Variants in ITFG1 observed in about 807,000 individuals in gnomAD.
ITFG1 encodes the protein T-cell immunomodulatory protein.
ITFG1 carries 34 observed loss-of-function variants against 81.8 expected under a neutral mutation model. That is an observed-to-expected ratio of 0.42 (90% CI 0.32 to 0.55). The LOEUF is 0.55. Among genes scored for constraint, ITFG1 ranks in the 20% least tolerant of loss-of-function variants. The pLI is 0.17. For missense variants in ITFG1, 672 were observed against 755.4 expected (o/e 0.89, Z 1.29); for synonymous variants, 285 against 270.6 (o/e 1.05, Z -0.52).
At position 47,375,910 on chromosome 16, in the gene ITFG1, G is replaced by T. The variant is rs1173003324; in HGVS notation, c.686C>A (p.Thr229Asn). The change falls in exon 7 of 18, where the codon ACT becomes AAT. Residue 229 changes from threonine to asparagine, a missense_variant. Coordinates refer to ENST00000320640, the MANE Select transcript of ITFG1 (RefSeq NM_030790.5). Reference sequence around the variant, plus strand: ...CCATATTTCAAACTGGAAGGTACTAGTGGTGGCATTCAATGTCGTCAGGAA... The same window carrying T: ...CCATATTTCAAACTGGAAGGTACTATTGGTGGCATTCAATGTCGTCAGGAA... ...DLFLTTLNAT[T>N]STFQFEIWEN... 2 of 1,607,248 alleles carry T rather than the reference G, an allele frequency of 1.2e-6. No individual in the cohort carries two copies. Among genetic ancestry groups the T allele is most frequent in the South Asian group, 2.2e-5 (2 of 90,592 alleles).
chr16:47,377,687 C>G (rs1291900335), intron 6 of ITFG1, among the ~76,000 whole-genome samples: 1 of 152,164 alleles, frequency 6.6e-6, no homozygotes. Flanking sequence ...CTAGACATAG[C>G]TTTCCCTCCG....
intron 13 of ITFG1, among the ~76,000 whole-genome samples, chr16:47,229,287 G>C (rs964713392): frequency 1.3e-5 from 2 of 152,156 alleles, no homozygotes; most frequent in Non-Finnish European, 2.9e-5. Flanking sequence ...TTGTCTGAGT[G>C]CCAACCTGAA....
chr16:47,338,446 A>T (rs1268620348), intron 8 of ITFG1, among the ~76,000 whole-genome samples: 2 of 152,080 alleles, frequency 1.3e-5, no homozygotes, highest in Admixed American at 6.6e-5. Flanking sequence ...ATTATAAACA[A>T]AGAAAAAAAA....
intron 6 of ITFG1, among the ~76,000 whole-genome samples, chr16:47,400,901 G>C (rs1968653739): frequency 6.6e-6 from 1 of 152,180 alleles, no homozygotes; most frequent in African/African-American, 2.4e-5. Context: ...GATTCTTTCT[G>C]TTGGTTATAA....
chr16:47,388,637 G>C (rs1219291697), intron 6 of ITFG1, among the ~76,000 whole-genome samples: 1 of 152,078 alleles, frequency 6.6e-6, no homozygotes, highest in African/African-American at 2.4e-5. Flanking sequence ...AGGAAATAAA[G>C]ACATTTCTAG....
intron 13 of ITFG1, among the ~76,000 whole-genome samples, chr16:47,226,894 G>A (rs1965764890): frequency 6.6e-6 from 1 of 151,800 alleles, no homozygotes; most frequent in South Asian, 2.1e-4. Flanking sequence ...AATAAAATTG[G>A]TTATGTTAAT....
chr16:47,206,738 G>C (rs577115295), intron 14 of ITFG1, among the ~76,000 whole-genome samples: 1 of 152,242 alleles, frequency 6.6e-6, no homozygotes, highest in South Asian at 2.1e-4. Context: ...CCATGAAGAA[G>C]TGCAGTTAAT....
At chr16:47,437,180 C>G (rs1230069351) in intron 5 of ITFG1, among the ~76,000 whole-genome samples, 1 of 151,954 alleles carries the variant, frequency 6.6e-6, no homozygotes, top group East Asian at 1.9e-4. Context: ...GAAAACAAAT[C>G]TTTAGGTGGA....
chr16:47,159,801 G>A (rs989814763), intron 16 of ITFG1, among the ~76,000 whole-genome samples: 2 of 151,892 alleles, frequency 1.3e-5, no homozygotes, highest in African/African-American at 4.8e-5. Context: ...AGACTGTTCT[G>A]GTAAATAGCA....
chr16:47,298,555 A>T (rs1477207153), intron 10 of ITFG1, among the ~76,000 whole-genome samples: 1 of 152,150 alleles, frequency 6.6e-6, no homozygotes, highest in Non-Finnish European at 1.5e-5. Flanking sequence ...GTTCAGTAGC[A>T]AAGACTCTGT....
chr16:47,331,898 C>T (rs1967642240), intron 8 of ITFG1, among the ~76,000 whole-genome samples: 1 of 152,124 alleles, frequency 6.6e-6, no homozygotes, highest in South Asian at 2.1e-4. Context: ...ATTATAATTT[C>T]CACTTGCAGG....
At chr16:47,341,986 T>A (rs890407586) in intron 8 of ITFG1, among the ~76,000 whole-genome samples, 3 of 152,018 alleles carry the variant, frequency 2.0e-5, no homozygotes, top group African/African-American at 7.2e-5. Context: ...ATACCACCAA[T>A]CATTTAAAGA....
chr16:47,249,135 G>C (rs941774467), intron 12 of ITFG1, among the ~76,000 whole-genome samples: 3 of 152,080 alleles, frequency 2.0e-5, no homozygotes, highest in African/African-American at 7.2e-5. Context: ...ATCATACTAT[G>C]GGCTGGGCAC....
rs770901745 is a variant in ITFG1 at position 47,451,473 on chromosome 16, G to GA, written c.486-4dup. On this transcript the variant is annotated splice_polypyrimidine_tract_variant and splice_region_variant and intron_variant, in intron 4 of 17. Transcript: ENST00000320640. The stretch of plus-strand genomic sequence containing the variant: ...CAGGAATTAGATCACCATTGAAACT[G>GA]AAAAAAAATTAAAACAATAAGCAGC... 93 of 1,493,680 alleles carry GA rather than the reference G, an allele frequency of 6.2e-5. No individual in the cohort carries two copies. The highest frequency in any genetic ancestry group is 9.1e-5 in the Admixed American group (5 of 54,696). The allele number at this position is 1,493,680 out of a possible 1,614,324, so 92.5% of individuals were successfully genotyped here.
intron 13 of ITFG1, among the ~76,000 whole-genome samples, chr16:47,230,169 G>A (rs764405689): frequency 1.3e-5 from 2 of 152,088 alleles, no homozygotes; most frequent in African/African-American, 2.4e-5. Context: ...AGTGAGAAGA[G>A]AACCTAGGAT....
rs780288401 is a variant in ITFG1, at chr16:47,158,934, G to A, written c.1718C>T (p.Ala573Val). 3 of 1,605,092 alleles carry A rather than the reference G, an allele frequency of 1.9e-6. No individual in the cohort carries two copies. Among genetic ancestry groups the A allele is most frequent in the Admixed American group, 1.7e-5 (1 of 58,700 alleles). Residue 573 changes from alanine (A) to valine (V), a missense_variant, in exon 17 of 18, where the codon GCT (alanine) becomes GTT (valine). Coordinates refer to ENST00000320640, the MANE Select transcript of ITFG1 (RefSeq NM_030790.5). ...GATGAAAACACAGACACCGATGAGA[G>A]CTATAGCAGTAAGCAGAACAATATT... ...PSNIVLLTAI[A>V]LIGVCVFILA...
intron 8 of ITFG1, among the ~76,000 whole-genome samples, chr16:47,348,875 T>C (rs1005384061): frequency 6.6e-6 from 1 of 152,232 alleles, no homozygotes; most frequent in Non-Finnish European, 1.5e-5. Flanking sequence ...GCAGAAACTC[T>C]ACAAGCCAGA....
At chr16:47,333,929 C>T (rs1310356941) in intron 8 of ITFG1, among the ~76,000 whole-genome samples, 3 of 152,316 alleles carry the variant, frequency 2.0e-5, no homozygotes, top group Non-Finnish European at 4.4e-5. Flanking sequence ...TACATGACTT[C>T]ATTTTATATG....
At chr16:47,451,151 A>G (rs1462373261) in intron 5 of ITFG1, among the ~76,000 whole-genome samples, 1 of 152,238 alleles carries the variant, frequency 6.6e-6, no homozygotes, top group Non-Finnish European at 1.5e-5. Flanking sequence ...TAATGAACCA[A>G]TATTTAAATG....
Sources: allele counts gnomAD v4.1 joint callset (sites outside exome capture counted in the v4.1 genomes callset), GRCh38; gene constraint gnomAD v4.1.1; transcripts MANE v1.5; gene names NCBI Gene and HGNC (gene_info 2026-07-23, HGNC 2026-07-21).